SP3: variants seen among roughly 807,000 people sequenced by gnomAD.
SP3 encodes Sp3 transcription factor.
In SP3, 10 loss-of-function variants were observed where a neutral mutation model predicts 70.3. That is an observed-to-expected ratio of 0.14 (90% CI 0.09 to 0.24). The LOEUF (loss-of-function observed/expected upper bound fraction) is 0.24. Among genes scored for constraint, SP3 ranks in the 10% least tolerant of loss-of-function variants. The pLI is 1.00. For missense variants in SP3, 825 were observed against 914.6 expected (o/e 0.90, Z 1.26); for synonymous variants, 402 against 333.5 (o/e 1.21, Z -2.24).
Position 173,901,046 on chromosome 2 carries a change from CAAGA to C in SP3, c.*8891_*8894del, listed in dbSNP as rs1689181178. On this transcript the variant is annotated 3_prime_UTR_variant, in exon 7 of 7. Transcript: ENST00000310015. ...CAGAGGAGACTTCCTTACCGGATGT[CAAGA>C]ATTTAGGATAAATAACAGAGAGGGC... 6.6e-6 allele frequency among the ~76,000 whole-genome samples: 1 copy of C among 152,054 alleles called. No individual in the cohort carries two copies. The highest frequency in any genetic ancestry group is 6.6e-5 in the Admixed American group (1 of 15,264).
At chr2:173,929,788 T>C (rs1430842019) in intron 4 of SP3, among the ~76,000 whole-genome samples, 2 of 152,198 alleles carry the variant, frequency 1.3e-5, no homozygotes, top group Non-Finnish European at 2.9e-5. Flanking sequence ...CAGAGCAGAA[T>C]TCTCAGCAGG....
intron 4 of SP3, among the ~76,000 whole-genome samples, chr2:173,935,135 G>T (rs570388666): frequency 6.6e-6 from 1 of 152,086 alleles, no homozygotes; most frequent in African/African-American, 2.4e-5. Flanking sequence ...ATTGGAGGCC[G>T]AGGCGGGAGA....
At chr2:173,957,484 T>C (rs1405323261) in intron 3 of SP3, among the ~76,000 whole-genome samples, 3 of 152,050 alleles carry the variant, frequency 2.0e-5, no homozygotes, top group East Asian at 1.9e-4. Flanking sequence ...AATAAAAGCA[T>C]AGAAACAATA....
At chr2:173,951,597 G>A (rs775647899) in intron 4 of SP3, among the ~76,000 whole-genome samples, 1 of 152,040 alleles carries the variant, frequency 6.6e-6, no homozygotes, top group Non-Finnish European at 1.5e-5. Flanking sequence ...AATATGGTTC[G>A]GGCTGAACCA....
chr2:173,929,819 G>A (rs10930625), intron 4 of SP3, among the ~76,000 whole-genome samples: 50,258 of 151,994 alleles, frequency 0.33, 8,836 homozygotes, highest in Non-Finnish European at 0.38. Context: ...AGGGAGGTAT[G>A]GGGCAGAGAG....
At chr2:173,944,263 G>A (rs1269145736) in intron 4 of SP3, among the ~76,000 whole-genome samples, 1 of 152,226 alleles carries the variant, frequency 6.6e-6, no homozygotes, top group Non-Finnish European at 1.5e-5. Flanking sequence ...GCCAGGCATG[G>A]TGGCTCATGC....
chr2:173,964,447 T>TTGC lies in SP3; in HGVS notation c.111_113dup (p.Gln39dup), dbSNP rs762215894. 4 of 732,074 alleles carry TTGC rather than the reference T, an allele frequency of 5.5e-6. No homozygotes were observed. The highest frequency in any genetic ancestry group is 1.8e-5 in the African/African-American group (1 of 55,256). 45.3% of individuals were successfully genotyped at this position (732,074 alleles called of 1,614,324 possible). On this transcript the variant is annotated inframe_insertion, in exon 2 of 7. Transcript: ENST00000310015. Reference sequence around the variant, plus strand: ...CCGCCACCGCACCGTTTCCGTGCTGTTGCTGCTGCTGCAGATACTCGCCGT... The same window carrying TTGC: ...CCGCCACCGCACCGTTTCCGTGCTGTTGCTGCTGCTGCTGCAGATACTCGCCGT...
intron 4 of SP3, among the ~76,000 whole-genome samples, chr2:173,928,097 G>A (rs977972220): frequency 6.6e-6 from 1 of 152,000 alleles, no homozygotes; most frequent in African/African-American, 2.4e-5. Context: ...CCCTTCTACT[G>A]TACATTTTCT....
Position 173,903,483 on chromosome 2 carries a change from G to GAAA in SP3, c.*6455_*6457dup, listed in dbSNP as rs1380872437. On this transcript the variant is annotated 3_prime_UTR_variant, in exon 7 of 7. Transcript: ENST00000310015. ...CAACTTTACTAAATGAATAAAGATG[G>GAAA]AAAAAAACACACAGAGTTACTAGGA... 6.6e-6 allele frequency among the ~76,000 whole-genome samples: 1 copy of GAAA among 151,958 alleles called. No homozygotes were observed. The highest frequency in any genetic ancestry group is 1.5e-5 in the Non-Finnish European group (1 of 67,958).
intron 4 of SP3, among the ~76,000 whole-genome samples, chr2:173,921,330 A>T (rs575622671): frequency 6.6e-6 from 1 of 152,208 alleles, no homozygotes; most frequent in Non-Finnish European, 1.5e-5. Flanking sequence ...CTCAACAACT[A>T]TATGTATGGC....
At chr2:173,965,546 C>T (rs1175394452), upstream of SP3, 3 of 236,804 alleles carry the variant, frequency 1.3e-5, no homozygotes, top group Non-Finnish European at 2.5e-5. Context: ...CGTAGGTTTT[C>T]GAGAGCGGCT....
At chr2:173,948,277 A>C (rs1236241156) in intron 4 of SP3, among the ~76,000 whole-genome samples, 9 of 152,212 alleles carry the variant, frequency 5.9e-5, no homozygotes, top group Admixed American at 5.9e-4. Flanking sequence ...CAGTCTGAAA[A>C]CATGAAATTA....
intron 3 of SP3, among the ~76,000 whole-genome samples, chr2:173,959,858 T>C (rs1691008401): frequency 6.6e-6 from 1 of 152,248 alleles, no homozygotes; most frequent in South Asian, 2.1e-4. Flanking sequence ...TATGTCTACG[T>C]AAGTTTACAA....
At chr2:173,964,040 G>A in intron 2 of SP3, 157 bp from the exon 3 acceptor site, 1 of 384,056 alleles carries the variant, frequency 2.6e-6, no homozygotes, top group South Asian at 7.4e-5. Flanking sequence ...TCCTCCTCCT[G>A]GTCCCGCCGC....
At chr2:173,963,945 G>A in intron 2 of SP3, 62 bp from the exon 3 acceptor site, 5 of 1,201,940 alleles carry the variant, frequency 4.2e-6, no homozygotes, top group Non-Finnish European at 3.3e-6. Flanking sequence ...TTAGGGTCGG[G>A]CCGCCTTTCG....
intron 4 of SP3, among the ~76,000 whole-genome samples, chr2:173,947,665 T>C (rs1031643655): frequency 6.6e-6 from 1 of 152,228 alleles, no homozygotes; most frequent in Non-Finnish European, 1.5e-5. Flanking sequence ...CAACAGAATG[T>C]TTTGTTTTCT....
At chr2:173,952,738 T>C (rs1690749559) in intron 4 of SP3, among the ~76,000 whole-genome samples, 1 of 152,138 alleles carries the variant, frequency 6.6e-6, no homozygotes, top group Non-Finnish European at 1.5e-5. Context: ...AATGAGGTAA[T>C]GACACATACC....
intron 1 of SP3, 131 bp from the exon 2 acceptor site, chr2:173,964,684 C>CCGGCGGCGGCGGCGG (rs1174348131): frequency 3.4e-5 from 13 of 378,584 alleles, no homozygotes; most frequent in Admixed American, 1.0e-4. Context: ...CACCCGCCCC[C>CCGGCGGCGGCGGCGG]CGGCGGCGGC....
chr2:173,912,459 T>C (rs1358900062), intron 6 of SP3, among the ~76,000 whole-genome samples: 3 of 152,226 alleles, frequency 2.0e-5, no homozygotes, highest in Admixed American at 6.5e-5. Context: ...ATGAACACTT[T>C]AATCATTTAC....
Sources: gnomAD v4.1 joint callset for allele counts (sites outside exome capture counted in the v4.1 genomes callset) on GRCh38, gnomAD v4.1.1 for gene constraint, MANE v1.5 for transcripts, NCBI Gene and HGNC (gene_info 2026-07-23, HGNC 2026-07-21) for gene names.